Variants in RBMS3 observed in about 807,000 individuals in gnomAD.
The protein encoded by RBMS3 is RNA binding motif single stranded interacting protein 3.
Under a neutral mutation model 66.8 loss-of-function variants are expected in RBMS3, and 27 were observed. The ratio of observed to expected loss-of-function variants is 0.40; its 90% CI spans 0.30 to 0.56. The LOEUF (loss-of-function observed/expected upper bound fraction) is 0.56, where lower values mean the gene tolerates loss of function less well. RBMS3 is among the 20% of genes least tolerant of loss of function. The probability of loss-of-function intolerance (pLI) is 0.40; values close to 1 mark genes in which losing one functional copy is unlikely to be tolerated. For missense variants in RBMS3, 513 were observed against 549.5 expected (o/e 0.93, Z 0.66); for synonymous variants, 188 against 183.0 (o/e 1.03, Z -0.22).
At chr3:29,981,600 C>T (rs1323558865) in intron 12 of RBMS3, among the ~76,000 whole-genome samples, 2 of 152,030 alleles carry the variant, frequency 1.3e-5, no homozygotes, top group Non-Finnish European at 2.9e-5. Flanking sequence ...TTGATACGTT[C>T]CATCAATATC....
chr3:29,919,315 C>G (rs1338160510), intron 10 of RBMS3, among the ~76,000 whole-genome samples: 1 of 152,274 alleles, frequency 6.6e-6, no homozygotes, highest in East Asian at 1.9e-4. Flanking sequence ...AATACAGCAT[C>G]TCTTCCAGGA....
At chr3:29,906,765 T>C (rs1203391759) in intron 10 of RBMS3, among the ~76,000 whole-genome samples, 1 of 152,102 alleles carries the variant, frequency 6.6e-6, no homozygotes, top group Non-Finnish European at 1.5e-5. Flanking sequence ...ATATCTAATG[T>C]TACATGTTTC....
At chr3:29,575,362 G>T (rs1396312603) in intron 3 of RBMS3, among the ~76,000 whole-genome samples, 4 of 151,198 alleles carry the variant, frequency 2.6e-5, no homozygotes, top group African/African-American at 9.7e-5. Context: ...TGAAAAGTCT[G>T]TTACCAGATG....
chr3:29,799,667 T>A (rs2149440834), intron 6 of RBMS3, among the ~76,000 whole-genome samples: 1 of 152,308 alleles, frequency 6.6e-6, no homozygotes, highest in South Asian at 2.1e-4. Flanking sequence ...CCTGAATAAT[T>A]CATTTTAATA....
chr3:29,295,325 A>G (rs1408811429), intron 1 of RBMS3, among the ~76,000 whole-genome samples: 3 of 142,542 alleles, frequency 2.1e-5, no homozygotes, highest in African/African-American at 7.8e-5. Flanking sequence ...ACATATATAT[A>G]TACACACACA....
chr3:29,747,955 C>A (rs1240609017), intron 5 of RBMS3, among the ~76,000 whole-genome samples: 2 of 152,002 alleles, frequency 1.3e-5, no homozygotes, highest in Non-Finnish European at 2.9e-5. Context: ...AATTTGTCTG[C>A]CTGCTGCCTC....
At chr3:29,526,434 T>A (rs926816980) in intron 3 of RBMS3, 1 of 142,174 alleles carries the variant, frequency 7.0e-6, no homozygotes, top group African/African-American at 2.6e-5. Flanking sequence ...GGCAGGAGAA[T>A]GGCGTGAACC....
intron 1 of RBMS3, among the ~76,000 whole-genome samples, chr3:29,304,973 T>TACCA (rs1339631290): frequency 6.6e-6 from 1 of 151,954 alleles, no homozygotes; most frequent in Non-Finnish European, 1.5e-5. Flanking sequence ...AGTTTGCTCT[T>TACCA]ACCAACTATC....
At chr3:29,746,836 T>C (rs2054920021) in intron 5 of RBMS3, among the ~76,000 whole-genome samples, 2 of 152,220 alleles carry the variant, frequency 1.3e-5, no homozygotes, top group South Asian at 4.1e-4. Context: ...GGAGATACAA[T>C]ATATACTTTA....
chr3:29,310,329 G>A (rs2034296740), intron 1 of RBMS3, among the ~76,000 whole-genome samples: 1 of 151,642 alleles, frequency 6.6e-6, no homozygotes, highest in African/African-American at 2.4e-5. Context: ...GTCATATCTG[G>A]AGAGGCAAAG....
intron 6 of RBMS3, among the ~76,000 whole-genome samples, chr3:29,769,966 C>T (rs2056125770): frequency 6.6e-6 from 1 of 151,706 alleles, no homozygotes; most frequent in Admixed American, 6.6e-5. Flanking sequence ...GAATAAGAAA[C>T]TTATTTGAGA....
intron 10 of RBMS3, among the ~76,000 whole-genome samples, chr3:29,931,550 T>C (rs915861211): frequency 2.6e-5 from 4 of 152,216 alleles, no homozygotes; most frequent in African/African-American, 9.6e-5. Flanking sequence ...GGATTAATGA[T>C]TGTTTCTAAG....
intron 3 of RBMS3, among the ~76,000 whole-genome samples, chr3:29,530,687 C>A (rs950543708): frequency 2.0e-5 from 3 of 146,830 alleles, no homozygotes; most frequent in African/African-American, 5.1e-5. Flanking sequence ...TGGTGAAACG[C>A]CATCTCTACT....
At chr3:29,425,497 G>T (rs903582551) in intron 1 of RBMS3, among the ~76,000 whole-genome samples, 1 of 151,964 alleles carries the variant, frequency 6.6e-6, no homozygotes, top group African/African-American at 2.4e-5. Flanking sequence ...AATTAGCCGG[G>T]TGTGGTGGAC....
At chr3:29,886,965 C>T (rs949240910) in intron 8 of RBMS3, among the ~76,000 whole-genome samples, 1 of 151,730 alleles carries the variant, frequency 6.6e-6, no homozygotes, top group Non-Finnish European at 1.5e-5. Context: ...CCATCAAGGG[C>T]TGGGGACATA....
At chr3:29,382,360 CCA>C (rs2038800025) in intron 1 of RBMS3, among the ~76,000 whole-genome samples, 1 of 152,122 alleles carries the variant, frequency 6.6e-6, no homozygotes, top group East Asian at 1.9e-4. Flanking sequence ...ATGAATGCTC[CCA>C]CATATGTAAT....
Position 29,766,405 on chromosome 3 carries a change from A to C in RBMS3, c.637+3416A>C, listed in dbSNP as rs1274049473. The C allele has an allele frequency of 3.3e-5, 5 of 152,012 alleles. No homozygotes were observed. In the South Asian group the frequency reaches 1.0e-3, roughly 31 times the overall value. 9.4% of individuals were successfully genotyped at this position (152,012 alleles called of 1,614,324 possible). ...AATTCTAAAAATTTCATAGTTAAGG[A>C]AATTTGCAAGGACATGTAACACTGA... On this transcript the variant is annotated intron_variant, in intron 6 of 14. Coordinates refer to ENST00000383767, the MANE Select transcript of RBMS3 (RefSeq NM_001003793.3).
At chr3:29,435,377 T>C (rs770517712) in intron 2 of RBMS3, among the ~76,000 whole-genome samples, 5 of 152,174 alleles carry the variant, frequency 3.3e-5, no homozygotes, top group Non-Finnish European at 7.3e-5. Context: ...GCCAGGACCA[T>C]GTATTTGGAG....
intron 10 of RBMS3, chr3:29,925,087 T>C (rs2060899683): frequency 6.6e-6 from 1 of 152,194 alleles, no homozygotes; most frequent in South Asian, 2.1e-4. Flanking sequence ...ATTCGGTCAG[T>C]AGTTGGAAAT....
Sources: gnomAD v4.1 joint callset for allele counts (sites outside exome capture counted in the v4.1 genomes callset) on GRCh38, gnomAD v4.1.1 for gene constraint, MANE v1.5 for transcripts, NCBI Gene and HGNC (gene_info 2026-07-23, HGNC 2026-07-21) for gene names.